The following FOXP2 variants were observed in gnomAD, a reference collection of about 807,000 sequenced individuals.
FOXP2 encodes the protein forkhead box protein P2.
A neutral mutation model predicts 115.8 loss-of-function variants in FOXP2; 12 were observed. The observed-to-expected ratio is 0.10, with a 90% CI of 0.07 to 0.17. The LOEUF is 0.17. FOXP2 is among the 10% of genes least tolerant of loss of function. The pLI, the probability that FOXP2 is intolerant of heterozygous loss-of-function variation, is 1.00. For missense variants in FOXP2, 629 were observed against 843.5 expected (o/e 0.75, Z 3.15); for synonymous variants, 328 against 297.7 (o/e 1.10, Z -1.05).
At chr7:114,567,250 G>A (rs1248327628) in intron 3 of FOXP2, among the ~76,000 whole-genome samples, 1 of 152,024 alleles carries the variant, frequency 6.6e-6, no homozygotes, top group Non-Finnish European at 1.5e-5. Context: ...GCTAATAAAT[G>A]TTAAGTATAT....
intron 2 of FOXP2, among the ~76,000 whole-genome samples, chr7:114,429,792 C>G: frequency 6.6e-6 from 1 of 151,500 alleles, no homozygotes; most frequent in East Asian, 1.9e-4. Context: ...TCATGTAAAA[C>G]AGAGTATTTG....
intron 1 of FOXP2, among the ~76,000 whole-genome samples, chr7:114,196,131 G>A (rs1793898542): frequency 6.6e-6 from 1 of 151,992 alleles, no homozygotes; most frequent in Non-Finnish European, 1.5e-5. Context: ...TCCTGCCTCA[G>A]CCTCCCGAGT....
At chr7:114,115,316 G>A (rs1791374405) in intron 1 of FOXP2, among the ~76,000 whole-genome samples, 1 of 152,104 alleles carries the variant, frequency 6.6e-6, no homozygotes, top group Non-Finnish European at 1.5e-5. Context: ...CTCTCCAGAA[G>A]GTTCTCTAAC....
At chr7:114,306,476 A>G (rs1044637464) in intron 2 of FOXP2, among the ~76,000 whole-genome samples, 2 of 152,162 alleles carry the variant, frequency 1.3e-5, no homozygotes, top group Non-Finnish European at 2.9e-5. Flanking sequence ...ATTCACTGCA[A>G]ACACAACCCT....
chr7:114,120,716 G>GTGTGTGTA (rs1554417505), intron 1 of FOXP2, among the ~76,000 whole-genome samples: 8 of 151,504 alleles, frequency 5.3e-5, no homozygotes, highest in African/African-American at 1.9e-4. Context: ...GTGTGTGTGT[G>GTGTGTGTA]TATATATATG....
intron 2 of FOXP2, among the ~76,000 whole-genome samples, chr7:114,295,637 G>C (rs886347399): frequency 6.6e-6 from 1 of 152,164 alleles, no homozygotes. Flanking sequence ...GAGAACAGAG[G>C]ACTATTACTG....
At chr7:114,537,508 A>G (rs1216455775) in intron 3 of FOXP2, among the ~76,000 whole-genome samples, 2 of 151,646 alleles carry the variant, frequency 1.3e-5, no homozygotes, top group Admixed American at 6.6e-5. Flanking sequence ...GCTTGTTAAC[A>G]TTCACCTGAA....
At chr7:114,250,470 T>G (rs1467597715) in intron 1 of FOXP2, among the ~76,000 whole-genome samples, 2 of 152,196 alleles carry the variant, frequency 1.3e-5, no homozygotes, top group African/African-American at 4.8e-5. Context: ...GTTTCCTGAC[T>G]TTTTAATGAT....
chr7:114,500,067 T>C (rs1158866041), intron 2 of FOXP2, among the ~76,000 whole-genome samples: 3 of 151,746 alleles, frequency 2.0e-5, no homozygotes, highest in African/African-American at 4.8e-5. Context: ...TACAAAAAAT[T>C]AGCCAGGCTT....
intron 14 of FOXP2, 24 bp from the exon 15 acceptor site, chr7:114,663,426 A>G (rs779810333): frequency 1.4e-6 from 2 of 1,458,266 alleles, no homozygotes; most frequent in Admixed American, 3.4e-5. Flanking sequence ...CGTATAAATG[A>G]TCTTTATATA....
chr7:114,254,542 T>C (rs1227200313), intron 1 of FOXP2, among the ~76,000 whole-genome samples: 1 of 152,222 alleles, frequency 6.6e-6, no homozygotes, highest in Admixed American at 6.5e-5. Flanking sequence ...TTTCATTCAT[T>C]TGATCTTCAA....
chr7:114,572,389 A>G (rs1410823643), intron 3 of FOXP2, among the ~76,000 whole-genome samples: 2 of 151,734 alleles, frequency 1.3e-5, no homozygotes, highest in African/African-American at 4.8e-5. Flanking sequence ...TTGTAACAAC[A>G]TTTGAAAGAA....
intron 2 of FOXP2, among the ~76,000 whole-genome samples, chr7:114,372,090 G>C (rs1389994573): frequency 6.6e-6 from 1 of 152,040 alleles, no homozygotes; most frequent in East Asian, 1.9e-4. Context: ...TGAACTATGA[G>C]AAACAAATAC....
intron 1 of FOXP2, among the ~76,000 whole-genome samples, chr7:114,262,554 G>A (rs1344898722): frequency 1.3e-5 from 2 of 152,202 alleles, no homozygotes; most frequent in East Asian, 3.9e-4. Context: ...AAAAAGAAAT[G>A]TTCACAATCT....
chr7:114,427,361 A>G (rs1291498704), intron 2 of FOXP2, among the ~76,000 whole-genome samples: 1 of 151,396 alleles, frequency 6.6e-6, no homozygotes, highest in Non-Finnish European at 1.5e-5. Context: ...GTAGTCTGTT[A>G]TTCATTTTAT....
chr7:114,123,162 G>T (rs1184291021), intron 1 of FOXP2, among the ~76,000 whole-genome samples: 1 of 151,818 alleles, frequency 6.6e-6, no homozygotes, highest in Non-Finnish European at 1.5e-5. Flanking sequence ...ACCAGCCTGG[G>T]CAACATAGTG....
At chr7:114,247,608 A>G (rs1183043869) in intron 1 of FOXP2, among the ~76,000 whole-genome samples, 1 of 152,192 alleles carries the variant, frequency 6.6e-6, no homozygotes, top group Non-Finnish European at 1.5e-5. Flanking sequence ...TCATAGAATG[A>G]ATGGCAGTCT....
At chr7:114,512,387 G>T (rs561260769) in intron 2 of FOXP2, among the ~76,000 whole-genome samples, 6 of 152,194 alleles carry the variant, frequency 3.9e-5, no homozygotes, top group African/African-American at 1.2e-4. Flanking sequence ...ATTCTCAAAA[G>T]CTTATTTATA....
chr7:114,201,379 C>A (rs1013317491), intron 1 of FOXP2, among the ~76,000 whole-genome samples: 2 of 152,092 alleles, frequency 1.3e-5, no homozygotes, highest in African/African-American at 4.8e-5. Flanking sequence ...TGGAGGATCA[C>A]TGAGCCCAGA....
Sources: gnomAD v4.1 joint callset for allele counts (sites outside exome capture counted in the v4.1 genomes callset) on GRCh38, gnomAD v4.1.1 for gene constraint, MANE v1.5 for transcripts, NCBI Gene and HGNC (gene_info 2026-07-23, HGNC 2026-07-21) for gene names.